The following LIPK variants were observed in gnomAD, a reference collection of about 807,000 sequenced individuals.
LIPK encodes lipase member K.
LIPK carries 32 observed loss-of-function variants against 48.6 expected under a neutral mutation model. The observed-to-expected ratio is 0.66, with a 90% CI of 0.50 to 0.88. The LOEUF (loss-of-function observed/expected upper bound fraction) is 0.88. Ranked by LOEUF, LIPK falls within the 40% of genes least tolerant of loss-of-function variation. The pLI is 0.00. For synonymous variants in LIPK, 164 were observed against 157.4 expected (o/e 1.04, Z -0.32); for missense variants, 507 against 478.5 (o/e 1.06, Z -0.56).
chr10:88,731,155 G>A lies in LIPK; in HGVS notation c.396G>A (p.Pro132=), dbSNP rs377015889. The change falls in exon 4 of 10, where the codon CCG becomes CCA. Residue 132 remains proline (P), a synonymous_variant. Coordinates refer to ENST00000404190, the MANE Select transcript of LIPK (RefSeq NM_001080518.2). ...CCAGAAAACACCTTAAATTGTCACC[G>A]AAATCACCGGAATACTGGGCCTTCA... is the stretch of plus-strand genomic sequence containing the variant. ...TWSRKHLKLS[P]KSPEYWAFSL... is the part of the protein sequence containing the mutation. 1.3e-5 allele frequency: 21 copies of A among 1,581,836 alleles called. No individual in the cohort carries two copies. Among genetic ancestry groups the A allele is most frequent in the Middle Eastern group, 1.7e-4 (1 of 6,022 alleles).
chr10:88,751,841 A>C (rs1842868520), intron 9 of LIPK, among the ~76,000 whole-genome samples: 1 of 152,280 alleles, frequency 6.6e-6, no homozygotes, highest in East Asian at 1.9e-4. Context: ...AAAGTTCTAG[A>C]GGGACCTCTG....
At chr10:88,711,502 T>C (rs900448572) in intron 1 of LIPK, among the ~76,000 whole-genome samples, 7 of 152,182 alleles carry the variant, frequency 4.6e-5, no homozygotes, top group African/African-American at 1.7e-4. Flanking sequence ...TGAGACAGTC[T>C]CACTCTATCA....
At chr10:88,726,276 C>T (rs1373915358) in intron 2 of LIPK, among the ~76,000 whole-genome samples, 1 of 152,216 alleles carries the variant, frequency 6.6e-6, no homozygotes, top group Non-Finnish European at 1.5e-5. Context: ...GGTCACCCCA[C>T]CCAGACTTAC....
chr10:88,737,921 A>G, intron 7 of LIPK, 140 bp downstream of exon 7: 1 of 875,268 alleles, frequency 1.1e-6, no homozygotes, highest in East Asian at 2.5e-5. Flanking sequence ...TATGGCTTCC[A>G]ATGAGGGTTG....
rs1842490438 is a variant in LIPK, at chr10:88,732,555, T to A, written c.669+4T>A. The A allele has an allele frequency of 1.3e-6, 2 of 1,591,662 alleles. No individual in the cohort carries two copies. On this transcript the variant is annotated splice_donor_region_variant and intron_variant, in intron 6 of 9. Transcript: ENST00000404190. ...CCTTTCCAGGCGAGTAGTTAAGGTA[T>A]GTGACTTCCCAAGTTTTAATCTGAA...
intron 1 of LIPK, among the ~76,000 whole-genome samples, chr10:88,717,387 C>T (rs546765607): frequency 4.6e-5 from 7 of 152,088 alleles, no homozygotes; most frequent in East Asian, 3.9e-4. Context: ...CCTTATATTC[C>T]GGTATTTTCT....
chr10:88,743,966 C>G (rs1254065630), intron 9 of LIPK, among the ~76,000 whole-genome samples: 1 of 152,206 alleles, frequency 6.6e-6, no homozygotes, highest in Non-Finnish European at 1.5e-5. Flanking sequence ...TGTGCAAAGC[C>G]CAAAGGGTTT....
At chr10:88,741,708 A>C (rs1167638631) in intron 8 of LIPK, among the ~76,000 whole-genome samples, 3 of 152,204 alleles carry the variant, frequency 2.0e-5, no homozygotes, top group African/African-American at 7.2e-5. Flanking sequence ...ATACTAGTGA[A>C]AAAAAGCTGT....
intron 1 of LIPK, among the ~76,000 whole-genome samples, chr10:88,708,491 T>C (rs1841974484): frequency 6.6e-6 from 1 of 152,080 alleles, no homozygotes; most frequent in African/African-American, 2.4e-5. Context: ...TGCTTAAATA[T>C]TATTTTTGCT....
At chr10:88,708,077 C>A (rs780239034) in intron 1 of LIPK, among the ~76,000 whole-genome samples, 1 of 152,000 alleles carries the variant, frequency 6.6e-6, no homozygotes, top group East Asian at 1.9e-4. Context: ...TCTGGCAAAC[C>A]CAGTCATTTG....
Position 88,737,655 on chromosome 10 carries a change from G to T in LIPK, c.690G>T (p.Met230Ile). 1 of 1,613,734 alleles carries T rather than the reference G, an allele frequency of 6.2e-7. No homozygotes were observed. Among genetic ancestry groups the T allele is most frequent in the East Asian group, 2.2e-5 (1 of 44,876 alleles). ...RVVKVLFGDK[M>I]FHPHTLFDQF... ...TGTAGGTGTTGTTTGGTGACAAAAT[G>T]TTCCACCCTCATACATTGTTTGACC... The change falls in exon 7 of 10, where the codon ATG (methionine) becomes ATT (isoleucine). Residue 230 changes from methionine (M) to isoleucine (I), a missense_variant. Met to Ile is a conservative substitution (Grantham distance 10, BLOSUM62 1). Coordinates refer to ENST00000404190, the MANE Select transcript of LIPK (RefSeq NM_001080518.2).
At chr10:88,715,959 T>C (rs1286196904) in intron 1 of LIPK, among the ~76,000 whole-genome samples, 1 of 152,162 alleles carries the variant, frequency 6.6e-6, no homozygotes, top group Non-Finnish European at 1.5e-5. Flanking sequence ...AATTGACTTG[T>C]ATATTTGATC....
At chr10:88,750,455 A>G (rs1842845042) in intron 9 of LIPK, among the ~76,000 whole-genome samples, 1 of 152,202 alleles carries the variant, frequency 6.6e-6, no homozygotes, top group Admixed American at 6.5e-5. Context: ...TACACCATGG[A>G]ATACTATGCA....
chr10:88,725,613 T>G (rs1416661746), intron 2 of LIPK, among the ~76,000 whole-genome samples: 2 of 152,234 alleles, frequency 1.3e-5, no homozygotes, highest in African/African-American at 4.8e-5. Context: ...TCTTTTTATC[T>G]CTTCCTGGTA....
Position 88,730,974 on chromosome 10 carries a change from G to A in LIPK, c.224-9G>A, listed in dbSNP as rs753405449. 15 of 1,555,208 alleles carry A rather than the reference G, an allele frequency of 9.6e-6. No individual in the cohort carries two copies. Among genetic ancestry groups the A allele is most frequent in the Non-Finnish European group, 1.1e-5 (13 of 1,153,636 alleles). On this transcript the variant is annotated splice_polypyrimidine_tract_variant and intron_variant, in intron 3 of 9. Coordinates refer to ENST00000404190, the MANE Select transcript of LIPK (RefSeq NM_001080518.2). ...CAAATATGAAATTCTTGTTGCCTGT[G>A]TTTTGCAGCTCCAAAGCCTGCTGTG...
intron 1 of LIPK, among the ~76,000 whole-genome samples, chr10:88,708,095 G>A (rs916864925): frequency 1.1e-4 from 17 of 152,114 alleles, no homozygotes; most frequent in African/African-American, 4.1e-4. Flanking sequence ...TTGTATGGCT[G>A]CCAAGAATCT....
intron 9 of LIPK, among the ~76,000 whole-genome samples, chr10:88,750,561 A>G (rs967846995): frequency 1.3e-5 from 2 of 152,176 alleles, no homozygotes; most frequent in South Asian, 4.1e-4. Context: ...AGAAAACCAA[A>G]TATCACATGC....
chr10:88,727,822 C>T, intron 3 of LIPK: 1 of 364,520 alleles, frequency 2.7e-6, no homozygotes. Context: ...AGATCAAGAC[C>T]CTGAACAAGT....
rs745402453 is a variant in LIPK, at chr10:88,732,406, C to T, written c.533-9C>T. On this transcript the variant is annotated splice_polypyrimidine_tract_variant and intron_variant, in intron 5 of 9. Coordinates refer to ENST00000404190, the MANE Select transcript of LIPK (RefSeq NM_001080518.2). ...GAAAACTATGAACTACTGTCTTCTT[C>T]CATTTCAGCTTTTATAGCATTTTCT... The T allele has an allele frequency of 1.1e-5, 17 of 1,605,108 alleles. No homozygotes were observed. The highest frequency in any genetic ancestry group is 1.7e-4 in the Middle Eastern group (1 of 6,026).
Sources: gnomAD v4.1 joint callset for allele counts (sites outside exome capture counted in the v4.1 genomes callset) on GRCh38, gnomAD v4.1.1 for gene constraint, MANE v1.5 for transcripts, NCBI Gene and HGNC (gene_info 2026-07-23, HGNC 2026-07-21) for gene names.